C6orf52: variants seen among roughly 807,000 people sequenced by gnomAD.
C6orf52 encodes the protein putative uncharacterized protein C6orf52.
A neutral mutation model predicts 16.6 loss-of-function variants in C6orf52; 16 were observed. That is an observed-to-expected ratio of 0.96 (90% confidence interval 0.65 to 1.46). C6orf52 has a LOEUF of 1.46. C6orf52 is among the 40% of genes most tolerant of loss of function. The pLI is 0.00. For synonymous variants in C6orf52, 53 were observed against 61.4 expected (o/e 0.86, Z 0.64); for missense variants, 166 against 182.3 (o/e 0.91, Z 0.52).
At position 10,678,424 on chromosome 6, in the gene C6orf52, C is replaced by G. The variant is rs192473603; in HGVS notation, c.316+4763G>C. Among the ~76,000 whole-genome samples the G allele has an allele frequency of 3.3e-5, 5 of 152,060 alleles. No individual in the cohort carries two copies. In the East Asian group the frequency reaches 9.7e-4, roughly 29 times the overall value. On this transcript the variant is annotated intron_variant, in intron 4 of 4. Coordinates refer to ENST00000259983, the MANE Select transcript of C6orf52 (RefSeq NM_001145020.3). ...GTACATGGGATTATTTTCTTGTTAT[C>G]TTTTTCAAACAGTATTAGTGTATAG...
At chr6:10,685,025 C>A (rs1472005513) in intron 3 of C6orf52, 3 of 495,608 alleles carry the variant, frequency 6.1e-6, no homozygotes, top group African/African-American at 2.0e-5. Context: ...CCAGACTGTG[C>A]CAACAAAAAT....
chr6:10,674,994 A>G (rs1767756834), intron 4 of C6orf52, among the ~76,000 whole-genome samples: 1 of 152,006 alleles, frequency 6.6e-6, no homozygotes, highest in African/African-American at 2.4e-5. Context: ...TATCTTTAAT[A>G]GAGATGAGGG....
At chr6:10,686,455 A>G (rs1257303402) in intron 3 of C6orf52, among the ~76,000 whole-genome samples, 1 of 152,166 alleles carries the variant, frequency 6.6e-6, no homozygotes, top group Non-Finnish European at 1.5e-5. Context: ...CCTTACTTCA[A>G]TACATCTTTG....
At chr6:10,683,605 G>A (rs1189089774) in intron 3 of C6orf52, among the ~76,000 whole-genome samples, 1 of 152,188 alleles carries the variant, frequency 6.6e-6, no homozygotes, top group Non-Finnish European at 1.5e-5. Context: ...TCTACCTAGA[G>A]TTCTGCTCCT....
At chr6:10,679,785 T>C (rs73439073) in intron 4 of C6orf52, among the ~76,000 whole-genome samples, 10,582 of 152,204 alleles carry the variant, frequency 0.07, 1,072 homozygotes, top group African/African-American at 0.22. Context: ...CATCCTTATC[T>C]GGTTTCAGAT....
At chr6:10,683,281 A>C in intron 3 of C6orf52, 49 bp from the exon 4 acceptor site, 2 of 1,181,344 alleles carry the variant, frequency 1.7e-6, no homozygotes, top group Non-Finnish European at 2.4e-6. Flanking sequence ...TTAAAGGTTT[A>C]ATATCAATAC....
At position 10,684,024 on chromosome 6, in the gene C6orf52, ATCTTT is replaced by A. The variant is rs1403495525; in HGVS notation, c.271-797_271-793del. Among the ~76,000 whole-genome samples, 3 of 152,228 alleles carry A rather than the reference ATCTTT, an allele frequency of 2.0e-5. No individual in the cohort carries two copies. The East Asian group carries it at 5.8e-4, about 29-fold the overall frequency. On this transcript the variant is annotated intron_variant, in intron 3 of 4. Coordinates refer to ENST00000259983, the MANE Select transcript of C6orf52 (RefSeq NM_001145020.3). ...AGATACTGAGAGCCAAAGATCTACT[ATCTTT>A]TCTTTTCAGTCTATCTGAAAGTATG... is the stretch of plus-strand genomic sequence containing the variant.
chr6:10,683,666 C>A (rs1768604647), intron 3 of C6orf52, among the ~76,000 whole-genome samples: 1 of 152,212 alleles, frequency 6.6e-6, no homozygotes, highest in South Asian at 2.1e-4. Context: ...TTTCTCATGG[C>A]CTTCTAATCA....
At chr6:10,674,118 A>T (rs150439560) in intron 4 of C6orf52, among the ~76,000 whole-genome samples, 1 of 152,298 alleles carries the variant, frequency 6.6e-6, no homozygotes, top group East Asian at 1.9e-4. Flanking sequence ...ACTGCCCAGA[A>T]GTCATGTCTT....
At chr6:10,679,991 G>A (rs953663844) in intron 4 of C6orf52, among the ~76,000 whole-genome samples, 7 of 152,204 alleles carry the variant, frequency 4.6e-5, no homozygotes, top group Non-Finnish European at 1.0e-4. Context: ...AGTTGCTCAT[G>A]CCCGTAATCC....
At chr6:10,693,875 G>C (rs1340597288) in intron 1 of C6orf52, among the ~76,000 whole-genome samples, 4 of 152,138 alleles carry the variant, frequency 2.6e-5, no homozygotes, top group Non-Finnish European at 5.9e-5. Context: ...GCCACAGGCG[G>C]GCGTCGCCAT....
chr6:10,687,201 C>T, intron 2 of C6orf52, 37 bp from the exon 3 acceptor site: 3 of 1,413,306 alleles, frequency 2.1e-6, no homozygotes, highest in Non-Finnish European at 2.9e-6. Flanking sequence ...AACGCAGAAT[C>T]ATCCACAAAC....
intron 1 of C6orf52, among the ~76,000 whole-genome samples, chr6:10,691,503 T>TA (rs1305921480): frequency 6.6e-6 from 1 of 152,100 alleles, no homozygotes; most frequent in Non-Finnish European, 1.5e-5. Context: ...AATCTACAGA[T>TA]AACATAACCG....
At chr6:10,676,280 T>C (rs1767875818) in intron 4 of C6orf52, among the ~76,000 whole-genome samples, 1 of 152,252 alleles carries the variant, frequency 6.6e-6, no homozygotes, top group Non-Finnish European at 1.5e-5. Context: ...TTTGATTTCC[T>C]TATATATTTA....
intron 4 of C6orf52, among the ~76,000 whole-genome samples, chr6:10,673,071 G>A (rs192939990): frequency 6.6e-5 from 10 of 152,232 alleles, no homozygotes; most frequent in South Asian, 6.2e-4. Context: ...TCCTTTGAGC[G>A]TTTCTGGTCA....
In C6orf52 at chr6:10,694,583, G is replaced by GAC; in HGVS notation, c.-102_-101insGT. Reference sequence around the variant, plus strand: ...ACAGCCCACAACAATGCACGCTGCCGGCGCTACAGCCCCTAAGCAACCGGC... The same window carrying GAC: ...ACAGCCCACAACAATGCACGCTGCCGACGCGCTACAGCCCCTAAGCAACCGGC... On this transcript the variant is annotated 5_prime_UTR_variant, in exon 1 of 5. Transcript: ENST00000259983. 1 of 186,204 alleles carries GAC rather than the reference G, an allele frequency of 5.4e-6. No individual in the cohort carries two copies. Among genetic ancestry groups the GAC allele is most frequent in the Non-Finnish European group, 1.2e-5 (1 of 85,842 alleles). The allele number at this position is 186,204 out of a possible 1,614,324, so 11.5% of individuals were successfully genotyped here.
chr6:10,678,409 T>C (rs1044968782), intron 4 of C6orf52, among the ~76,000 whole-genome samples: 1 of 152,144 alleles, frequency 6.6e-6, no homozygotes, highest in Non-Finnish European at 1.5e-5. Context: ...GTACATGGGA[T>C]TATTTTCTTG....
chr6:10,684,280 C>T (rs530812943), intron 3 of C6orf52, among the ~76,000 whole-genome samples: 1 of 152,236 alleles, frequency 6.6e-6, no homozygotes, highest in South Asian at 2.1e-4. Flanking sequence ...TGCACTCCAG[C>T]CTGGGCAAAA....
intron 4 of C6orf52, among the ~76,000 whole-genome samples, chr6:10,676,369 T>C (rs372911122): frequency 2.0e-5 from 3 of 152,352 alleles, no homozygotes; most frequent in South Asian, 4.1e-4. Context: ...GTTTTGCTTT[T>C]CATGAACAGC....
Sources: allele counts gnomAD v4.1 joint callset (sites outside exome capture counted in the v4.1 genomes callset), GRCh38; gene constraint gnomAD v4.1.1; transcripts MANE v1.5; gene names NCBI Gene and HGNC (gene_info 2026-07-23, HGNC 2026-07-21).